EDNRA: variants seen among roughly 807,000 people sequenced by gnomAD.
EDNRA encodes endothelin-1 receptor.
EDNRA carries 11 observed loss-of-function variants against 41.4 expected under a neutral mutation model. That is an observed-to-expected ratio of 0.27 (90% CI 0.17 to 0.44). EDNRA has a LOEUF of 0.44. Among genes scored for constraint, EDNRA ranks in the 20% least tolerant of loss-of-function variants. EDNRA has a pLI of 1.00. For missense variants in EDNRA, 294 were observed against 531.0 expected (o/e 0.55, Z 4.39); for synonymous variants, 172 against 183.0 (o/e 0.94, Z 0.49).
chr4:147,536,118 G>A, intron 5 of EDNRA, 89 bp downstream of exon 5: 1 of 1,424,266 alleles, frequency 7.0e-7, no homozygotes, highest in Non-Finnish European at 9.7e-7. Context: ...AGTAGAATTA[G>A]CCTGATTTCC....
intron 4 of EDNRA, among the ~76,000 whole-genome samples, chr4:147,533,780 A>C (rs932986141): frequency 6.6e-6 from 1 of 152,328 alleles, no homozygotes; most frequent in African/African-American, 2.4e-5. Flanking sequence ...GAGGTTCACT[A>C]TAAGAAGGAG....
chr4:147,519,408 C>T lies in EDNRA; in HGVS notation c.421-443C>T, dbSNP rs758559765. Among the ~76,000 whole-genome samples the T allele has an allele frequency of 1.1e-4, 17 of 152,166 alleles. No homozygotes were observed. Among genetic ancestry groups the T allele is most frequent in the South Asian group, 4.1e-4 (2 of 4,828 alleles). ...GTAAGCACAGATAAAAAACCACTGT[C>T]GGCTTCTCAGTTGAGCTGTCTCCCA... On this transcript the variant is annotated intron_variant, in intron 2 of 7. Transcript: ENST00000651419. This position sits in a 1 kb window ranked among gnomAD's most constrained non-coding sequence, Gnocchi z 4.1.
chr4:147,523,495 T>G (rs1284937589), intron 3 of EDNRA, among the ~76,000 whole-genome samples: 2 of 139,032 alleles, frequency 1.4e-5, no homozygotes, highest in East Asian at 2.0e-4. Context: ...TTTGTTTTTT[T>G]TGTTTTTTTT....
chr4:147,523,785 C>T (rs774769942), intron 3 of EDNRA, among the ~76,000 whole-genome samples: 6 of 152,098 alleles, frequency 3.9e-5, no homozygotes, highest in South Asian at 4.1e-4. Context: ...CCACCGCGCC[C>T]GTCCTGTTTT....
chr4:147,507,403 G>A (rs561598706), intron 2 of EDNRA, among the ~76,000 whole-genome samples: 17 of 152,240 alleles, frequency 1.1e-4, no homozygotes, highest in African/African-American at 3.6e-4. Flanking sequence ...GTGAATCTCC[G>A]GAGAACCGTG....
intron 2 of EDNRA, among the ~76,000 whole-genome samples, chr4:147,502,873 A>G (rs934922573): frequency 1.3e-5 from 2 of 152,176 alleles, no homozygotes; most frequent in Non-Finnish European, 2.9e-5. Context: ...TTGCTGAAAT[A>G]CTTTATATTT....
At chr4:147,520,064 C>T (rs982828541) in intron 3 of EDNRA, 86 bp downstream of exon 3, 6 of 1,493,986 alleles carry the variant, frequency 4.0e-6, no homozygotes, top group Non-Finnish European at 5.4e-6. Context: ...GAATTCGTGC[C>T]CAGGACAGCT....
At chr4:147,488,612 CTT>C (rs1296782847) in intron 2 of EDNRA, 1 of 152,150 alleles carries the variant, frequency 6.6e-6, no homozygotes, top group African/African-American at 2.4e-5. Context: ...AACAAATACT[CTT>C]TAGTTATTTC....
chr4:147,529,157 A>G (rs1157922764), intron 3 of EDNRA, among the ~76,000 whole-genome samples: 1 of 152,184 alleles, frequency 6.6e-6, no homozygotes, highest in South Asian at 2.1e-4. Flanking sequence ...TGTGTGGTGG[A>G]AGAGGAGTGA....
At chr4:147,485,083 T>C (rs1192135485) in intron 1 of EDNRA, among the ~76,000 whole-genome samples, 4 of 151,430 alleles carry the variant, frequency 2.6e-5, no homozygotes, top group Non-Finnish European at 5.9e-5. Context: ...ATATAATGCC[T>C]TTTCTCTTTC....
rs10305894 is a variant in EDNRA at position 147,513,399 on chromosome 4, C to A, written c.421-6452C>A. Among the ~76,000 whole-genome samples the A allele has an allele frequency of 7.0e-3, 1,059 of 152,294 alleles. 11 individuals carry two copies. Among genetic ancestry groups the A allele is most frequent in the African/African-American group, 0.024 (994 of 41,564 alleles). Reference sequence around the variant, plus strand: ...ATTTGTATGAATGCTCTGTCTCAATCCTGAAGCAATTAATGCATAACAGAA... The same window carrying A: ...ATTTGTATGAATGCTCTGTCTCAATACTGAAGCAATTAATGCATAACAGAA... On this transcript the variant is annotated intron_variant, in intron 2 of 7. Transcript: ENST00000651419.
At chr4:147,511,558 C>G (rs542060080) in intron 2 of EDNRA, among the ~76,000 whole-genome samples, 3 of 152,166 alleles carry the variant, frequency 2.0e-5, no homozygotes, top group African/African-American at 7.2e-5. Context: ...TTCTTCAGAA[C>G]TTATACATTA....
At chr4:147,516,525 A>G (rs1730122516) in intron 2 of EDNRA, among the ~76,000 whole-genome samples, 1 of 152,226 alleles carries the variant, frequency 6.6e-6, no homozygotes, top group African/African-American at 2.4e-5. Context: ...GGAGTCATCC[A>G]TTCATCCAGC....
chr4:147,536,607 C>T (rs1730929246), intron 5 of EDNRA, among the ~76,000 whole-genome samples: 1 of 152,014 alleles, frequency 6.6e-6, no homozygotes, highest in East Asian at 1.9e-4. Flanking sequence ...CTAGTTAGAA[C>T]GTGGAATAGG....
intron 2 of EDNRA, among the ~76,000 whole-genome samples, chr4:147,516,890 T>G (rs1730133593): frequency 6.6e-6 from 1 of 152,152 alleles, no homozygotes; most frequent in Non-Finnish European, 1.5e-5. Context: ...ACTTTTTGAT[T>G]AAGCAATAGA....
intron 2 of EDNRA, among the ~76,000 whole-genome samples, chr4:147,499,100 G>A (rs1056227090): frequency 6.6e-6 from 1 of 152,102 alleles, no homozygotes; most frequent in African/African-American, 2.4e-5. Flanking sequence ...CTACCACCCA[G>A]TCTGGAGTTC....
rs561304157 is a variant in EDNRA at position 147,505,674 on chromosome 4, A to C, written c.421-14177A>C. Among the ~76,000 whole-genome samples the C allele has an allele frequency of 3.7e-3, 427 of 113,872 alleles. 2 individuals are homozygous for C. Among genetic ancestry groups the C allele is most frequent in the Middle Eastern group, 0.025 (3 of 120 alleles). The allele number at this position is 113,872 out of a possible 152,430, so 74.7% of individuals were successfully genotyped here. A position where few individuals can be genotyped will look rare whatever the true frequency, so the allele number is the denominator to read the frequency against. On this transcript the variant is annotated intron_variant, in intron 2 of 7. Coordinates refer to ENST00000651419, the MANE Select transcript of EDNRA (RefSeq NM_001957.4). ...TTTTTTTTTTTTTTTTTTTAGACAG[A>C]GTCTCAGTCTGTTGCCCAGACTGGA... is the stretch of plus-strand genomic sequence containing the variant.
intron 2 of EDNRA, among the ~76,000 whole-genome samples, chr4:147,505,180 C>A (rs1729648483): frequency 6.9e-6 from 1 of 145,252 alleles, no homozygotes; most frequent in Non-Finnish European, 1.5e-5. Flanking sequence ...TATCACTACA[C>A]CCTATCTGAA....
chr4:147,529,214 G>A (rs1008364853), intron 3 of EDNRA, among the ~76,000 whole-genome samples: 7 of 152,192 alleles, frequency 4.6e-5, no homozygotes, highest in African/African-American at 1.7e-4. Flanking sequence ...ACTGCAGAAA[G>A]GTTTAGCCAC....
Sources: allele counts gnomAD v4.1 joint callset (sites outside exome capture counted in the v4.1 genomes callset), GRCh38; gene constraint gnomAD v4.1.1; non-coding constraint Gnocchi (gnomAD v3.1); transcripts MANE v1.5; gene names NCBI Gene and HGNC (gene_info 2026-07-23, HGNC 2026-07-21).